SYTL2: variants seen among roughly 807,000 people sequenced by gnomAD.
SYTL2 encodes synaptotagmin-like protein 2.
SYTL2 carries 165 observed loss-of-function variants against 198.7 expected under a neutral mutation model. That is an observed-to-expected ratio of 0.83 (90% CI 0.73 to 0.94). The LOEUF (loss-of-function observed/expected upper bound fraction) is 0.94. SYTL2 is among the 40% of genes least tolerant of loss of function. SYTL2 has a pLI of 0.00. For synonymous variants in SYTL2, 966 were observed against 917.7 expected (o/e 1.05, Z -0.95); for missense variants, 2,835 against 2,582.8 (o/e 1.10, Z -2.12).
At chr11:85,843,598 T>G in the SYTL2 span, among the ~76,000 whole-genome samples, 1 of 152,084 alleles carries the variant, frequency 6.6e-6, no homozygotes, top group South Asian at 2.1e-4. Context: ...AAGATGCATA[T>G]TTGGGTCCCA....
upstream of SYTL2, among the ~76,000 whole-genome samples, chr11:85,811,826 C>G (rs921026192): frequency 5.3e-5 from 8 of 152,068 alleles, no homozygotes; most frequent in African/African-American, 1.9e-4. Flanking sequence ...TGTGGTCGGG[C>G]GCGGTGGCTC....
chr11:85,709,492 G>T lies in SYTL2; in HGVS notation c.5754C>A (p.Gly1918=). 2 of 1,613,452 alleles carry T rather than the reference G, an allele frequency of 1.2e-6. No homozygotes were observed. Among genetic ancestry groups the T allele is most frequent in the Non-Finnish European group, 1.7e-6 (2 of 1,179,866 alleles). ...SGMTSLSSVS[G]SVMSVYSGDF... ...CTCCACTATAAACACTCATCACACT[G>T]CCACTCACCTGAAAGCATCAGAAAT... Residue 1918 remains glycine, a synonymous_variant, in exon 14 of 20, where the codon GGC becomes GGA. Transcript: ENST00000359152.
chr11:85,814,561 C>G (rs952553517), upstream of SYTL2, among the ~76,000 whole-genome samples: 1 of 152,156 alleles, frequency 6.6e-6, no homozygotes, highest in African/African-American at 2.4e-5. Context: ...CTCTATGGAA[C>G]TGAACAAAAT....
chr11:85,777,136 T>C (rs557038501), intron 1 of SYTL2, among the ~76,000 whole-genome samples: 67 of 152,338 alleles, frequency 4.4e-4, no homozygotes, highest in Middle Eastern at 3.4e-3. Flanking sequence ...TTGTCTTTCA[T>C]TGAAGAAGTG....
At chr11:85,852,991 C>G in the SYTL2 span, 1 of 323,974 alleles carries the variant, frequency 3.1e-6, no homozygotes, top group Non-Finnish European at 6.0e-6. Flanking sequence ...GCAGCCGCCC[C>G]GTCTGAGAAG....
intron 1 of SYTL2, among the ~76,000 whole-genome samples, chr11:85,772,665 CCA>C (rs1406117606): frequency 1.3e-5 from 2 of 152,226 alleles, no homozygotes; most frequent in Non-Finnish European, 2.9e-5. Flanking sequence ...CAGCCCAGCC[CCA>C]GTTTTGTTTT....
At chr11:85,760,037 G>C (rs2092051218) in intron 1 of SYTL2, among the ~76,000 whole-genome samples, 4 of 152,180 alleles carry the variant, frequency 2.6e-5, no homozygotes, top group African/African-American at 9.7e-5. Context: ...CCTGTGACTC[G>C]CTTTGGCCAA....
chr11:85,742,900 A>G (rs1352592681), intron 4 of SYTL2, among the ~76,000 whole-genome samples: 3 of 152,200 alleles, frequency 2.0e-5, no homozygotes, highest in Non-Finnish European at 4.4e-5. Flanking sequence ...TCCTCTGCTC[A>G]TAAACCTCTC....
At chr11:85,853,274 A>T in the SYTL2 span, 6 of 437,160 alleles carry the variant, frequency 1.4e-5, no homozygotes, top group East Asian at 4.7e-4. Flanking sequence ...TGTCTTGAGT[A>T]GAAAAAAGTA....
At chr11:85,763,979 T>C (rs188620475) in intron 1 of SYTL2, among the ~76,000 whole-genome samples, 1 of 152,334 alleles carries the variant, frequency 6.6e-6, no homozygotes, top group Admixed American at 6.5e-5. Context: ...TTCCCTCCAG[T>C]GTACCAGCCC....
the SYTL2 span, among the ~76,000 whole-genome samples, chr11:85,838,144 T>C: frequency 6.6e-6 from 1 of 152,064 alleles, no homozygotes; most frequent in African/African-American, 2.4e-5. Flanking sequence ...TCTGGGTTAC[T>C]GTTATTAAAA....
Position 85,727,325 on chromosome 11 carries a change from T to A in SYTL2, c.2033A>T (p.Asp678Val). 3 of 1,535,958 alleles carry A rather than the reference T, an allele frequency of 2.0e-6. No homozygotes were observed. The highest frequency in any genetic ancestry group is 1.7e-6 in the Non-Finnish European group (2 of 1,146,868). ...NYSYSVLKES[D>V]AENQVPCNTN... is the part of the protein sequence containing the mutation. Reference sequence around the variant, plus strand: ...GTTGCATGGAACTTGGTTTTCTGCATCAGATTCCTTGAGAACACTGTAGGA... The same window carrying A: ...GTTGCATGGAACTTGGTTTTCTGCAACAGATTCCTTGAGAACACTGTAGGA... Residue 678 changes from aspartate to valine, a missense_variant, in exon 8 of 20, where the codon GAT becomes GTT. Around this residue, in one of 3 missense-constraint regions of SYTL2, gnomAD observed 2,645 missense variants for 2,381.7 expected, o/e 1.11. Coordinates refer to ENST00000359152, the MANE Select transcript of SYTL2 (RefSeq NM_206927.4).
At chr11:85,804,918 A>C (rs1449454427) in intron 1 of SYTL2, among the ~76,000 whole-genome samples, 1 of 152,238 alleles carries the variant, frequency 6.6e-6, no homozygotes, top group Non-Finnish European at 1.5e-5. Context: ...CAGTAGCACC[A>C]GAAAGGAATG....
rs552643539 is a variant in SYTL2 at position 85,708,121 on chromosome 11, C to T, written c.5916-590G>A. ...AAGGTTGCTGTGAGCTGAGATCGTG[C>T]CAGCCTGGGCAACAACAGTGAAACT... On this transcript the variant is annotated intron_variant, in intron 14 of 19. Coordinates refer to ENST00000359152, the MANE Select transcript of SYTL2 (RefSeq NM_206927.4). The T allele has an allele frequency of 2.1e-5, 9 of 433,808 alleles. No individual in the cohort carries two copies. The East Asian group carries it at 6.6e-4, about 32-fold the overall frequency. 26.9% of individuals were successfully genotyped at this position (433,808 alleles called of 1,614,324 possible).
At chr11:85,710,424 T>C (rs187557690) in intron 13 of SYTL2, among the ~76,000 whole-genome samples, 214 of 152,344 alleles carry the variant, frequency 1.4e-3, no homozygotes, top group Non-Finnish European at 2.4e-3. Flanking sequence ...AGCAAGAATT[T>C]AAGCACAGTT....
the SYTL2 span, among the ~76,000 whole-genome samples, chr11:85,848,868 CATTA>C: frequency 6.6e-6 from 1 of 151,954 alleles, no homozygotes; most frequent in Non-Finnish European, 1.5e-5. Context: ...TAATTTCAAA[CATTA>C]ATTAGGCAGA....
At chr11:85,706,873 A>ACT (rs202070176) in intron 15 of SYTL2, among the ~76,000 whole-genome samples, 2 of 63,008 alleles carry the variant, frequency 3.2e-5, no homozygotes, top group Admixed American at 1.2e-4. Flanking sequence ...ACAGAGTTTC[A>ACT]CTCGTCACCC....
chr11:85,749,238 T>A (rs2091362719), intron 2 of SYTL2, among the ~76,000 whole-genome samples: 1 of 152,108 alleles, frequency 6.6e-6, no homozygotes, highest in South Asian at 2.1e-4. Context: ...TCTCTATCCA[T>A]CTCAGTAAAA....
At chr11:85,705,610 T>C (rs2085009835) in intron 15 of SYTL2, among the ~76,000 whole-genome samples, 1 of 152,182 alleles carries the variant, frequency 6.6e-6, no homozygotes, top group Non-Finnish European at 1.5e-5. Context: ...GTAGAAAAGG[T>C]CTGGCATCCT....
Sources: gnomAD v4.1 joint callset for allele counts (sites outside exome capture counted in the v4.1 genomes callset) on GRCh38, gnomAD v4.1.1 for gene constraint, gnomAD v4.1.1 regional missense constraint, MANE v1.5 for transcripts, NCBI Gene and HGNC (gene_info 2026-07-23, HGNC 2026-07-21) for gene names.